The following ZNF516 variants were observed in gnomAD, a reference collection of about 807,000 sequenced individuals.
The protein encoded by ZNF516 is zinc finger protein 516.
ZNF516 carries 19 observed loss-of-function variants against 79.7 expected under a neutral mutation model. The ratio of observed to expected loss-of-function variants is 0.24; its 90% CI spans 0.17 to 0.35. The LOEUF (loss-of-function observed/expected upper bound fraction) is 0.35. Among genes scored for constraint, ZNF516 ranks in the 10% least tolerant of loss-of-function variants. The pLI, the probability that ZNF516 is intolerant of heterozygous loss-of-function variation, is 1.00. For synonymous variants in ZNF516, 877 were observed against 739.5 expected (o/e 1.19, Z -3.02); for missense variants, 1,678 against 1,679.5 (o/e 1.00, Z 0.02).
At chr18:76,373,903 T>G (rs2074746751) in intron 4 of ZNF516, among the ~76,000 whole-genome samples, 1 of 152,258 alleles carries the variant, frequency 6.6e-6, no homozygotes, top group Non-Finnish European at 1.5e-5. Flanking sequence ...TCATTTGAAC[T>G]GAAGACCACC....
chr18:76,491,427 GC>G (rs1312666010), intron 1 of ZNF516, among the ~76,000 whole-genome samples: 1 of 65,474 alleles, frequency 1.5e-5, no homozygotes. Context: ...GCCCGCCCCC[GC>G]CCCCCGGCCC....
chr18:76,441,569 G>T lies in ZNF516; in HGVS notation c.1486C>A (p.Arg496Ser). ...CTGCGGTTGGGGCGCGCGGCCGAGCGGGGATCGAGGTGGCCGGCGGGCGCG... is the reference window on the plus strand; with the variant it reads ...CTGCGGTTGGGGCGCGCGGCCGAGCTGGGATCGAGGTGGCCGGCGGGCGCG... ...DPAPAGHLDP[R>S]SAARPNRRAA... Residue 496 changes from arginine (R) to serine (S), a missense_variant, in exon 3 of 7, where the codon CGC becomes AGC. Coordinates refer to ENST00000443185, the MANE Select transcript of ZNF516 (RefSeq NM_014643.4). 6.8e-7 allele frequency: 1 copy of T among 1,466,874 alleles called. No homozygotes were observed. 90.9% of individuals were successfully genotyped at this position (1,466,874 alleles called of 1,614,324 possible).
intron 3 of ZNF516, among the ~76,000 whole-genome samples, chr18:76,401,125 G>C (rs865818948): frequency 7.2e-5 from 11 of 152,112 alleles, no homozygotes; most frequent in Middle Eastern, 3.4e-3. Context: ...AAGCTCATGG[G>C]AGTTATTTAT....
chr18:76,366,658 G>A (rs935423486), intron 6 of ZNF516, among the ~76,000 whole-genome samples: 3 of 151,856 alleles, frequency 2.0e-5, no homozygotes, highest in East Asian at 3.9e-4. Context: ...ATGTGTTCAC[G>A]TGTGTGCTCA....
At chr18:76,375,878 C>G (rs1219027344) in intron 4 of ZNF516, among the ~76,000 whole-genome samples, 1 of 133,988 alleles carries the variant, frequency 7.5e-6, no homozygotes, top group Non-Finnish European at 1.6e-5. Flanking sequence ...AGGATGGACA[C>G]AGAAGGTCCT....
chr18:76,495,543 G>A (rs1915448093), upstream of ZNF516: 2 of 250,200 alleles, frequency 8.0e-6, no homozygotes, highest in Middle Eastern at 1.6e-3. Flanking sequence ...ACAGTCTGGA[G>A]GCTTGCAGTG....
intron 3 of ZNF516, among the ~76,000 whole-genome samples, chr18:76,420,723 A>G (rs2075495836): frequency 6.6e-6 from 1 of 152,168 alleles, no homozygotes; most frequent in Non-Finnish European, 1.5e-5. Flanking sequence ...CACCTCCTGA[A>G]TGTGTCATAT....
chr18:76,428,392 CAAAA>C (rs10552608), intron 3 of ZNF516, among the ~76,000 whole-genome samples: 16 of 136,502 alleles, frequency 1.2e-4, no homozygotes, highest in Non-Finnish European at 1.4e-4. Context: ...GATTCTGTCT[CAAAA>C]AAAAAAAAAA....
At chr18:76,482,898 C>T (rs1189223752) in intron 1 of ZNF516, among the ~76,000 whole-genome samples, 1 of 152,192 alleles carries the variant, frequency 6.6e-6, no homozygotes, top group Non-Finnish European at 1.5e-5. Flanking sequence ...CTTTGCATTT[C>T]TTCATTTATA....
At position 76,379,218 on chromosome 18, in the gene ZNF516, T is replaced by C. The variant is rs769600163; in HGVS notation, c.2896A>G (p.Asn966Asp). ...PPAGAGFAPT[N>D]KHSAPDSLKA... The stretch of plus-strand genomic sequence containing the variant: ...AGGGAGTCCGGGGCACTGTGCTTAT[T>C]TGTGGGGGCAAAGCCAGCCCCCGCT... Residue 966 changes from asparagine to aspartate, a missense_variant, in exon 4 of 7, where the codon AAT becomes GAT. By Grantham distance (23) the Asn-to-Asp change is conservative (BLOSUM62 1). Transcript: ENST00000443185. 1.9e-6 allele frequency: 3 copies of C among 1,612,802 alleles called. No individual in the cohort carries two copies. Among genetic ancestry groups the C allele is most frequent in the Admixed American group, 1.7e-5 (1 of 60,028 alleles).
At chr18:76,464,269 G>T (rs1327384856) in intron 1 of ZNF516, among the ~76,000 whole-genome samples, 1 of 152,220 alleles carries the variant, frequency 6.6e-6, no homozygotes, top group Non-Finnish European at 1.5e-5. Context: ...TCACTCGGGA[G>T]GCTGAGGTAG....
At chr18:76,452,910 A>G (rs957135711) in intron 2 of ZNF516, among the ~76,000 whole-genome samples, 2 of 152,230 alleles carry the variant, frequency 1.3e-5, no homozygotes, top group Non-Finnish European at 2.9e-5. Context: ...AATTCAAGAT[A>G]GTTCTAGAGA....
Position 76,491,574 on chromosome 18 carries a change from C to CGGGCGCCG in ZNF516, c.-272+3569_-272+3570insCGGCGCCC, listed in dbSNP as rs1455748223. On this transcript the variant is annotated intron_variant, in intron 1 of 6. Coordinates refer to ENST00000443185, the MANE Select transcript of ZNF516 (RefSeq NM_014643.4). Reference sequence around the variant, plus strand: ...GGGGCGGGGGGCGGGCGCCGGGGGGCGGGGGCGGCGGGCCAGGCCCTCCCC... The same window carrying CGGGCGCCG: ...GGGGCGGGGGGCGGGCGCCGGGGGGCGGGCGCCGGGGGGCGGCGGGCCAGGCCCTCCCC... 1.1e-4 allele frequency: 17 copies of CGGGCGCCG among 149,746 alleles called. No homozygotes were observed. The East Asian group carries it at 1.2e-3, about 11-fold the overall frequency. The allele number at this position is 149,746 out of a possible 1,614,324, so 9.3% of individuals were successfully genotyped here.
chr18:76,462,871 T>C (rs1296267831), intron 2 of ZNF516, among the ~76,000 whole-genome samples, 157 bp downstream of exon 2: 2 of 152,182 alleles, frequency 1.3e-5, no homozygotes, highest in Admixed American at 6.5e-5. Flanking sequence ...TAATTATTTT[T>C]CTTCTATTTA....
At chr18:76,392,646 G>A (rs1484693988) in intron 3 of ZNF516, among the ~76,000 whole-genome samples, 1 of 121,644 alleles carries the variant, frequency 8.2e-6, no homozygotes, top group Non-Finnish European at 1.7e-5. Context: ...GAGGGCAGGC[G>A]GGAAGGCAGG....
intron 3 of ZNF516, among the ~76,000 whole-genome samples, chr18:76,435,067 C>T (rs953299955): frequency 1.3e-5 from 2 of 152,164 alleles, no homozygotes; most frequent in Non-Finnish European, 1.5e-5. Context: ...ACCAATAAAA[C>T]GGGAGGATAG....
At chr18:76,465,809 C>G (rs1465081821) in intron 1 of ZNF516, among the ~76,000 whole-genome samples, 1 of 152,184 alleles carries the variant, frequency 6.6e-6, no homozygotes, top group Non-Finnish European at 1.5e-5. Flanking sequence ...CCGGCCAGTC[C>G]TCCTCAGAAG....
At chr18:76,368,389 A>G (rs1462696048) in intron 6 of ZNF516, among the ~76,000 whole-genome samples, 2 of 152,178 alleles carry the variant, frequency 1.3e-5, no homozygotes, top group Admixed American at 6.5e-5. Context: ...ATGAAAGACA[A>G]AAAGTACCAT....
At chr18:76,431,953 C>T (rs956122879) in intron 3 of ZNF516, among the ~76,000 whole-genome samples, 3 of 152,210 alleles carry the variant, frequency 2.0e-5, no homozygotes, top group African/African-American at 7.2e-5. Flanking sequence ...TGTGTTCAGG[C>T]GGCCCCGCCC....
Sources: gnomAD v4.1 joint callset for allele counts (sites outside exome capture counted in the v4.1 genomes callset) on GRCh38, gnomAD v4.1.1 for gene constraint, MANE v1.5 for transcripts, NCBI Gene and HGNC (gene_info 2026-07-23, HGNC 2026-07-21) for gene names.